KMT2D: variants seen among roughly 807,000 people sequenced by gnomAD.
The protein encoded by KMT2D is histone-lysine N-methyltransferase 2D.
In KMT2D, 55 loss-of-function variants were observed where a neutral mutation model predicts 512.7. The ratio of observed to expected loss-of-function variants is 0.11; its 90% confidence interval spans 0.09 to 0.13. The LOEUF is 0.13. KMT2D is among the 10% of genes least tolerant of loss of function. The pLI is 1.00. For missense variants in KMT2D, 6,061 were observed against 7,127.9 expected (o/e 0.85, Z 5.39); for synonymous variants, 2,995 against 2,904.0 (o/e 1.03, Z -1.01).
At chr12:49,045,048 C>T in intron 19 of KMT2D, 83 bp from the exon 20 acceptor site, 6 of 1,343,976 alleles carry the variant, frequency 4.5e-6, no homozygotes. Context: ...ATGTCCTTAG[C>T]TGAGACAAAG....
rs771287738 is a variant in KMT2D at position 49,040,917 on chromosome 12, G to C, written c.6853C>G (p.Leu2285Val). The change falls in exon 32 of 55, where the codon CTA (leucine) becomes GTA (valine). Residue 2285 changes from leucine to valine, a missense_variant. By Grantham distance (32) the Leu-to-Val change is conservative (BLOSUM62 1). Around this residue, in one of 16 missense-constraint regions of KMT2D, gnomAD observed 710 missense variants for 647.3 expected, o/e 1.10. Transcript: ENST00000301067. The stretch of plus-strand genomic sequence containing the variant: ...CCAAGCTCTTCCTTCTTCACCTCTA[G>C]GGCCTTCCGGGACTCCCCAAAAGGT... ...PPPFGESRKALEVKKEELGAS... is the reference protein window; with the variant it reads ...PPPFGESRKAVEVKKEELGAS... The C allele has an allele frequency of 9.9e-6, 16 of 1,613,698 alleles. No individual in the cohort carries two copies. In the African/African-American group the frequency reaches 2.0e-4, roughly 20 times the overall value.
chr12:49,033,205 C>G lies in KMT2D; in HGVS notation c.11500G>C (p.Val3834Leu). The change falls in exon 40 of 55, where the codon GTG (valine) becomes CTG (leucine). Residue 3834 changes from valine to leucine, a missense_variant. Transcript: ENST00000301067. ...HRQVLMTQSR[V>L]LSSPQLAQQG... ...TGTGCCAGCTGGGGGGAACTGAGCA[C>G]CCGGGACTGGGTCATAAGCACCTGT... is the stretch of plus-strand genomic sequence containing the variant. 6.4e-7 allele frequency: 1 copy of G among 1,550,808 alleles called. No individual in the cohort carries two copies. Among genetic ancestry groups the G allele is most frequent in the South Asian group, 1.2e-5 (1 of 84,022 alleles).
At position 49,024,215 on chromosome 12, in the gene KMT2D, T is replaced by C. The variant is rs1942461824; in HGVS notation, c.16052+363A>G. ...ACTCATGGGGAAGGGAAGGTGACCC[T>C]AGCACCCATGGGGTATCTGAGGTTT... is the stretch of plus-strand genomic sequence containing the variant. On this transcript the variant is annotated intron_variant, in intron 51 of 54. Transcript: ENST00000301067. The surrounding 1 kb of genome is among the most constrained non-coding windows in gnomAD (Gnocchi z 4.5). The C allele has an allele frequency of 2.3e-6, 1 of 428,760 alleles. No homozygotes were observed. Among genetic ancestry groups the C allele is most frequent in the Admixed American group, 3.0e-5 (1 of 33,546 alleles). The allele number at this position is 428,760 out of a possible 1,614,324, so 26.6% of individuals were successfully genotyped here. A position where few individuals can be genotyped will look rare whatever the true frequency, so the allele number is the denominator to read the frequency against.
In KMT2D at chr12:49,024,903, T is replaced by C. The variant is rs2137711917; in HGVS notation, c.15828A>G (p.Lys5276=). Residue 5276 remains lysine (K), a synonymous_variant, in exon 50 of 55, where the codon AAA becomes AAG. Transcript: ENST00000301067. The surrounding 1 kb of genome is among the most constrained non-coding windows in gnomAD (Gnocchi z 4.5). ...RIIEPVAAMR[K]EADMLRLFPE... ...GGAAGAGTCGCAGCATGTCAGCCTCTTTTCTCATGGCAGCCACAGGCTCAA... is the reference window on the plus strand; with the variant it reads ...GGAAGAGTCGCAGCATGTCAGCCTCCTTTCTCATGGCAGCCACAGGCTCAA... The C allele has an allele frequency of 6.2e-7, 1 of 1,601,480 alleles. No homozygotes were observed. Among genetic ancestry groups the C allele is most frequent in the Non-Finnish European group, 8.5e-7 (1 of 1,174,134 alleles).
chr12:49,057,959 A>T (rs961752210), intron 1 of KMT2D, among the ~76,000 whole-genome samples: 4 of 151,654 alleles, frequency 2.6e-5, no homozygotes, highest in African/African-American at 9.7e-5. Flanking sequence ...ATCTCAACCC[A>T]CTCTCCTTCC....
chr12:49,033,426 C>T lies in KMT2D; in HGVS notation c.11279G>A (p.Gly3760Asp). The T allele has an allele frequency of 6.3e-7, 1 of 1,581,344 alleles. No individual in the cohort carries two copies. Among genetic ancestry groups the T allele is most frequent in the East Asian group, 2.3e-5 (1 of 42,782 alleles). Residue 3760 changes from glycine (G) to aspartate (D), a missense_variant, in exon 40 of 55, where the codon GGT (glycine) becomes GAT (aspartate). Around this residue, in one of 16 missense-constraint regions of KMT2D, gnomAD observed 1,600 missense variants for 1,754.9 expected, o/e 0.91. Coordinates refer to ENST00000301067, the MANE Select transcript of KMT2D (RefSeq NM_003482.4). ...AGCTTGGTTTGTCTGTACTCCAGGA[C>T]CCTGCTGCTGTTGCTGCTGGATTGC... is the stretch of plus-strand genomic sequence containing the variant. Reference protein sequence around the residue: ...QVAIQQQQQQGPGVQTNQALG... With the variant: ...QVAIQQQQQQDPGVQTNQALG...
rs1399659855 is a variant in KMT2D, at chr12:49,054,554, G to T, written c.374C>A (p.Thr125Lys). The T allele has an allele frequency of 5.6e-6, 9 of 1,612,058 alleles. No homozygotes were observed. The highest frequency in any genetic ancestry group is 1.3e-5 in the African/African-American group (1 of 74,858). ...TCCAGGTTCTCCTAGGTGGGCAGGT[G>T]TAAGGCCCTCAGGGAAACCAATCTG... ...LSQIGFPEGLTPAHLGEPGGS... is the reference protein window; with the variant it reads ...LSQIGFPEGLKPAHLGEPGGS... Residue 125 changes from threonine to lysine, a missense_variant, in exon 4 of 55, where the codon ACA becomes AAA. Coordinates refer to ENST00000301067, the MANE Select transcript of KMT2D (RefSeq NM_003482.4). The surrounding 1 kb of genome is among the most constrained non-coding windows in gnomAD (Gnocchi z 6.4).
At position 49,030,609 on chromosome 12, in the gene KMT2D, G is replaced by A. The variant is rs1592113342; in HGVS notation, c.13831C>T (p.Leu4611Phe). The change falls in exon 42 of 55, where the codon CTT becomes TTT. Residue 4611 changes from leucine to phenylalanine, a missense_variant. Leu to Phe is a conservative substitution (Grantham distance 22). Transcript: ENST00000301067. ...PTGPDYYSQL[L>F]TKNNLSNPPT... is the part of the protein sequence containing the mutation. ...ATTGCCATTTTTCTGACCTTGGTAA[G>A]CAGCTGGGAATAGTAGTCAGGGCCA... 6.4e-7 allele frequency: 1 copy of A among 1,564,836 alleles called. No homozygotes were observed. Among genetic ancestry groups the A allele is most frequent in the Non-Finnish European group, 8.7e-7 (1 of 1,153,768 alleles).
At position 49,038,527 on chromosome 12, in the gene KMT2D, G is replaced by A. The variant is rs2120499574; in HGVS notation, c.8829C>T (p.Asn2943=). The change falls in exon 35 of 55, where the codon AAC becomes AAT. Residue 2943 remains asparagine, a synonymous_variant. Transcript: ENST00000301067. The surrounding 1 kb of genome is among the most constrained non-coding windows in gnomAD (Gnocchi z 5.7). ...TGTGGGGTGTTGGATGAAGACTGTT[G>A]TTCAATTCAGGGGCCGGTGGGGCTG... ...KPSAPPAPEL[N]NSLHPTPHTK... is the part of the protein sequence containing the mutation. 2 of 1,609,982 alleles carry A rather than the reference G, an allele frequency of 1.2e-6. No homozygotes were observed. Among genetic ancestry groups the A allele is most frequent in the Non-Finnish European group, 1.7e-6 (2 of 1,176,980 alleles).
intron 13 of KMT2D, 97 bp from the exon 14 acceptor site, chr12:49,048,866 G>A: frequency 1.2e-6 from 1 of 863,414 alleles, no homozygotes; most frequent in Non-Finnish European, 1.9e-6. Context: ...GTGAACCCTT[G>A]GTTAAGATGA....
chr12:49,028,089 G>A lies in KMT2D; in HGVS notation c.14435C>T (p.Pro4812Leu), dbSNP rs1482175640. The change falls in exon 47 of 55, where the codon CCC (proline) becomes CTC (leucine). Residue 4812 changes from proline (P) to leucine (L), a missense_variant. Around this residue, in one of 16 missense-constraint regions of KMT2D, gnomAD observed 1,600 missense variants for 1,754.9 expected, o/e 0.91. Coordinates refer to ENST00000301067, the MANE Select transcript of KMT2D (RefSeq NM_003482.4). The part of the protein sequence containing the change: ...AVAELLSMKI[P>L]NSYEVLFPES... ...TGGGAACAGCACCTCATAGGAGTTG[G>A]GGATCTTCATGCTCAGCAGCTCCGC... The A allele has an allele frequency of 6.2e-7, 1 of 1,613,844 alleles. No homozygotes were observed. Among genetic ancestry groups the A allele is most frequent in the Non-Finnish European group, 8.5e-7 (1 of 1,179,838 alleles).
Position 49,020,635 on chromosome 12 carries a change from C to T in KMT2D, c.*1145G>A, listed in dbSNP as rs867079785. The T allele has an allele frequency of 2.8e-4, 58 of 204,530 alleles. No homozygotes were observed. The highest frequency in any genetic ancestry group is 1.3e-3 in the African/African-American group (56 of 43,300). 12.7% of individuals were successfully genotyped at this position (204,530 alleles called of 1,614,324 possible). ...ACCCCCACATCACCACCCCTTCCCA[C>T]CAGACCAGCAGCAGTTTGGTGACTG... On this transcript the variant is annotated 3_prime_UTR_variant, in exon 55 of 55. Coordinates refer to ENST00000301067, the MANE Select transcript of KMT2D (RefSeq NM_003482.4).
rs940848278 is a variant in KMT2D at position 49,024,579 on chromosome 12, G to A, written c.16051C>T (p.Arg5351Trp). 4.3e-6 allele frequency: 7 copies of A among 1,610,028 alleles called. No homozygotes were observed. Among genetic ancestry groups the A allele is most frequent in the Non-Finnish European group, 5.1e-6 (6 of 1,177,734 alleles). Residue 5351 changes from arginine to tryptophan, a missense_variant and splice_region_variant, in exon 51 of 55, where the codon CGG becomes TGG. Physicochemically the swap from Arg to Trp is moderately radical, Grantham distance 101. Coordinates refer to ENST00000301067, the MANE Select transcript of KMT2D (RefSeq NM_003482.4). This position sits in a 1 kb window ranked among gnomAD's most constrained non-coding sequence, Gnocchi z 4.5. ...TTGGCTCCAGCATCACAAGCTCACC[G>A]TTTGTAGTGTGTGAGGATTTTAGGC... ...SEPKILTHYK[R>W]PHTLNSTSMS...
In KMT2D at chr12:49,043,949, A is replaced by T. The variant is rs2120576083; in HGVS notation, c.5238T>A (p.Ala1746=). The T allele has an allele frequency of 1.9e-6, 3 of 1,613,980 alleles. No homozygotes were observed. The highest frequency in any genetic ancestry group is 2.5e-6 in the Non-Finnish European group (3 of 1,179,900). Residue 1746 remains alanine, a synonymous_variant, in exon 23 of 55, where the codon GCT becomes GCA. Coordinates refer to ENST00000301067, the MANE Select transcript of KMT2D (RefSeq NM_003482.4). ...GTTGCTTCTTCTTCTCATCCCCTTC[A>T]GCTAAGCTCTGCTCCACGGCGCCCT... is the stretch of plus-strand genomic sequence containing the variant. ...PAEGAVEQSL[A]EGDEKKKQQR...
intron 43 of KMT2D, among the ~76,000 whole-genome samples, chr12:49,029,986 C>T (rs1195430239): frequency 6.6e-6 from 1 of 152,154 alleles, no homozygotes. Context: ...GAATTCAAAT[C>T]CAGATCAGAG....
chr12:49,043,551 T>A, intron 24 of KMT2D, 84 bp downstream of exon 24: 2 of 1,598,136 alleles, frequency 1.3e-6, no homozygotes, highest in East Asian at 4.5e-5. Flanking sequence ...TGGAGGCCAG[T>A]CCATTTCCCA....
At chr12:49,036,281 G>C (rs531387027) in intron 35 of KMT2D, among the ~76,000 whole-genome samples, 40 of 149,594 alleles carry the variant, frequency 2.7e-4, no homozygotes, top group Non-Finnish European at 4.7e-4. Context: ...CACCATTGCA[G>C]CCTCAATGAA....
chr12:49,042,073 C>T lies in KMT2D; in HGVS notation c.6109+16G>A, dbSNP rs2120552636. ...ATGTTGCCAGGCTGTCTCCCTTGCCCTCATCCCACAGGTACCTGGGTAGTC... is the reference window on the plus strand; with the variant it reads ...ATGTTGCCAGGCTGTCTCCCTTGCCTTCATCCCACAGGTACCTGGGTAGTC... On this transcript the variant is annotated intron_variant, in intron 29 of 54. Transcript: ENST00000301067. This position sits in a 1 kb window ranked among gnomAD's most constrained non-coding sequence, Gnocchi z 4.4. 3 of 1,613,436 alleles carry T rather than the reference C, an allele frequency of 1.9e-6. No individual in the cohort carries two copies. The highest frequency in any genetic ancestry group is 2.7e-5 in the African/African-American group (2 of 75,012).
At chr12:49,027,402 C>G in intron 48 of KMT2D, 80 bp from the exon 49 acceptor site, 2 of 1,141,364 alleles carry the variant, frequency 1.8e-6, no homozygotes, top group Non-Finnish European at 2.5e-6. Context: ...ATATGCCACC[C>G]TCCCAAAAGG....
Sources: gnomAD v4.1 joint callset for allele counts (sites outside exome capture counted in the v4.1 genomes callset) on GRCh38, gnomAD v4.1.1 for gene constraint, gnomAD v4.1.1 regional missense constraint, Gnocchi (gnomAD v3.1) non-coding constraint, MANE v1.5 for transcripts, NCBI Gene and HGNC (gene_info 2026-07-23, HGNC 2026-07-21) for gene names.